The following ENKUR variants were observed in gnomAD, a reference collection of about 807,000 sequenced individuals.
ENKUR encodes the protein enkurin, TRPC channel interacting protein.
Under a neutral mutation model 27.6 loss-of-function variants are expected in ENKUR, and 19 were observed. The observed-to-expected ratio is 0.69, with a 90% CI of 0.48 to 1.01. ENKUR has a LOEUF of 1.01. Among genes scored for constraint, ENKUR ranks in the 50% least tolerant of loss-of-function variants. The pLI, the probability that ENKUR is intolerant of heterozygous loss-of-function variation, is 0.00. For synonymous variants in ENKUR, 117 were observed against 96.9 expected (o/e 1.21, Z -1.22); for missense variants, 312 against 310.5 (o/e 1.00, Z -0.04).
rs776863941 is a variant in ENKUR at position 25,024,790 on chromosome 10, A to T, written c.38-28921T>A. 53 of 1,614,084 alleles carry T rather than the reference A, an allele frequency of 3.3e-5. No individual in the cohort carries two copies. The highest frequency in any genetic ancestry group is 4.1e-5 in the Non-Finnish European group (48 of 1,180,040). On this transcript the variant is annotated intron_variant, in intron 2 of 5. Coordinates refer to the ENKUR transcript ENST00000615958. ...TTTAGCAGCAGTGTATGCCAAAATG[A>T]TGGGAATCCCGATTCGAAAATTTAT... is the stretch of plus-strand genomic sequence containing the variant.
chr10:25,021,105 A>G (rs1021373588), upstream of ENKUR, among the ~76,000 whole-genome samples: 12 of 152,232 alleles, frequency 7.9e-5, no homozygotes, highest in Non-Finnish European at 1.5e-4. Flanking sequence ...TTTATAAACC[A>G]AACCATAAAA....
chr10:24,999,629 TTTTAA>T, intron 1 of ENKUR, 83 bp from the exon 2 acceptor site: 1 of 1,219,484 alleles, frequency 8.2e-7, no homozygotes, highest in Non-Finnish European at 1.2e-6. Flanking sequence ...AATCTTACAT[TTTTAA>T]TTTATTTAAG....
In ENKUR at chr10:25,043,243, T is replaced by A. The variant is rs191099258; in HGVS notation, c.37+17869A>T. On this transcript the variant is annotated intron_variant, in intron 2 of 5. Transcript: ENST00000615958. ...GTTTTAGTTAACAATAAAACCACTC[T>A]GAAAGTTTTCTACTCTGGGATTTCT... 2.5e-3 allele frequency among the ~76,000 whole-genome samples: 374 copies of A among 152,318 alleles called. 5 individuals carry two copies. Among genetic ancestry groups the A allele is most frequent in the African/African-American group, 8.3e-3 (347 of 41,568 alleles).
At chr10:25,033,825 GTCTATCTATCTA>G (rs140639853) in intron 2 of ENKUR, among the ~76,000 whole-genome samples, 4,192 of 148,708 alleles carry the variant, frequency 0.028, 135 homozygotes, top group African/African-American at 0.075. Context: ...GTGTGTGTGT[GTCTATCTATCTA>G]TCTATCTATC....
chr10:25,058,197 T>C (rs534991349), intron 2 of ENKUR, among the ~76,000 whole-genome samples: 1 of 151,956 alleles, frequency 6.6e-6, no homozygotes, highest in African/African-American at 2.4e-5. Context: ...ATTTTTGGTG[T>C]TTTTGTTGTT....
intron 2 of ENKUR, among the ~76,000 whole-genome samples, chr10:25,053,512 T>C (rs1244106723): frequency 6.6e-6 from 1 of 152,204 alleles, no homozygotes; most frequent in Non-Finnish European, 1.5e-5. Flanking sequence ...TTTTAGATTC[T>C]GCATATAAGT....
intron 1 of ENKUR, among the ~76,000 whole-genome samples, chr10:25,006,791 C>G (rs765974655): frequency 5.3e-5 from 8 of 152,144 alleles, no homozygotes; most frequent in Non-Finnish European, 8.8e-5. Flanking sequence ...AAGAACTGTG[C>G]AAACCAATTA....
At chr10:25,002,873 G>A (rs1294798838) in intron 1 of ENKUR, among the ~76,000 whole-genome samples, 1 of 151,924 alleles carries the variant, frequency 6.6e-6, no homozygotes, top group Non-Finnish European at 1.5e-5. Context: ...CACAGAAGTT[G>A]GGGCTGGCAG....
chr10:25,051,288 C>T (rs1362344498), intron 2 of ENKUR, among the ~76,000 whole-genome samples: 1 of 152,210 alleles, frequency 6.6e-6, no homozygotes, highest in African/African-American at 2.4e-5. Context: ...TGCAAACCCT[C>T]CTTGGAGAAG....
At chr10:24,995,970 G>T in intron 2 of ENKUR, 101 bp from the exon 3 acceptor site, 1 of 909,778 alleles carries the variant, frequency 1.1e-6, no homozygotes, top group Non-Finnish European at 1.6e-6. Context: ...TATTGAAGTT[G>T]CAGTCATAAT....
rs572590998 is a variant in ENKUR, at chr10:24,984,222, C to T, written c.*148G>A. 7.2e-6 allele frequency: 6 copies of T among 830,420 alleles called. No individual in the cohort carries two copies. In the African/African-American group the frequency reaches 1.0e-4, roughly 14 times the overall value. The allele number at this position is 830,420 out of a possible 1,614,324, so 51.4% of individuals were successfully genotyped here. ...AAATATTTCTCACTGGGAATAACTG[C>T]AAATGTCATGGGCCACAGGAAAATA... On this transcript the variant is annotated 3_prime_UTR_variant, in exon 6 of 6. Coordinates refer to ENST00000331161, the MANE Select transcript of ENKUR (RefSeq NM_145010.4).
chr10:25,054,291 G>T (rs981555673), intron 2 of ENKUR, among the ~76,000 whole-genome samples: 2 of 152,126 alleles, frequency 1.3e-5, no homozygotes, highest in African/African-American at 4.8e-5. Context: ...GCGTGGTGGT[G>T]GATGCCTGTA....
At chr10:24,993,320 T>A (rs772362126) in intron 3 of ENKUR, among the ~76,000 whole-genome samples, 1 of 152,244 alleles carries the variant, frequency 6.6e-6, no homozygotes, top group Non-Finnish European at 1.5e-5. Context: ...TTATTAGGTG[T>A]CACATTTTGT....
chr10:25,033,401 CAAAAAAAAAAA>C (rs34472195), intron 2 of ENKUR, among the ~76,000 whole-genome samples: 3 of 59,970 alleles, frequency 5.0e-5, no homozygotes, highest in Admixed American at 2.3e-4. Context: ...AAGACCTCGT[CAAAAAAAAAAA>C]AAAAAAAAAA....
At chr10:25,018,702 T>G (rs1388933175), upstream of ENKUR, among the ~76,000 whole-genome samples, 1 of 150,888 alleles carries the variant, frequency 6.6e-6, no homozygotes, top group Non-Finnish European at 1.5e-5. Context: ...TTTAATCTAT[T>G]TAAATGAATA....
At chr10:25,006,033 C>T (rs1474858693) in intron 1 of ENKUR, among the ~76,000 whole-genome samples, 2 of 152,132 alleles carry the variant, frequency 1.3e-5, no homozygotes, top group Non-Finnish European at 2.9e-5. Context: ...GTAAATTTTT[C>T]GTTATTTCTA....
intron 1 of ENKUR, among the ~76,000 whole-genome samples, chr10:25,012,842 T>C (rs1194691532): frequency 1.3e-5 from 2 of 152,170 alleles, no homozygotes; most frequent in African/African-American, 4.8e-5. Context: ...ATGATTGGTT[T>C]TGAAATGTGA....
chr10:25,001,244 A>T (rs1042463012), intron 1 of ENKUR, among the ~76,000 whole-genome samples: 1 of 151,934 alleles, frequency 6.6e-6, no homozygotes, highest in Non-Finnish European at 1.5e-5. Context: ...TCGTTTCTAA[A>T]GATAAATTTA....
chr10:24,998,506 T>C (rs536599133), intron 2 of ENKUR, among the ~76,000 whole-genome samples: 1 of 152,090 alleles, frequency 6.6e-6, no homozygotes, highest in East Asian at 1.9e-4. Flanking sequence ...TCCAGAGTAG[T>C]GAAGACTACA....
Sources: allele counts gnomAD v4.1 joint callset (sites outside exome capture counted in the v4.1 genomes callset), GRCh38; gene constraint gnomAD v4.1.1; transcripts MANE v1.5; gene names NCBI Gene and HGNC (gene_info 2026-07-23, HGNC 2026-07-21).